SUGCT: variants seen among roughly 807,000 people sequenced by gnomAD.
The protein encoded by SUGCT is succinyl-CoA:glutarate-CoA transferase, also known as succinyl-CoA:glutarate CoA-transferase.
In SUGCT, 41 loss-of-function variants were observed where a neutral mutation model predicts 55.0. The observed-to-expected ratio is 0.74, with a 90% CI of 0.58 to 0.97. The LOEUF (loss-of-function observed/expected upper bound fraction) is 0.97. SUGCT is among the 50% of genes least tolerant of loss of function. The pLI is 0.00. For synonymous variants in SUGCT, 187 were observed against 200.4 expected, an observed-to-expected ratio of 0.93 and a Z score of 0.56; for missense variants, 568 against 547.8, an observed-to-expected ratio of 1.04 and a Z score of -0.37.
chr7:40,601,304 T>G lies in SUGCT; in HGVS notation c.1089+104918T>G, dbSNP rs922347086. On this transcript the variant is annotated intron_variant, in intron 12 of 13. Transcript: ENST00000335693. ...CTTTTGTCTTGTATTGACCTGAAGT[T>G]CCTAGCTCATTTGATTGGCAAAGGG... is the stretch of plus-strand genomic sequence containing the variant. 3.9e-5 allele frequency among the ~76,000 whole-genome samples: 6 copies of G among 152,342 alleles called. No homozygotes were observed. In the South Asian group the frequency reaches 1.2e-3, roughly 32 times the overall value.
At chr7:40,242,834 A>G (rs1789496354) in intron 7 of SUGCT, among the ~76,000 whole-genome samples, 1 of 145,728 alleles carries the variant, frequency 6.9e-6, no homozygotes, top group South Asian at 2.2e-4. Context: ...TACTTTATGC[A>G]TAGAACAGGC....
chr7:40,176,226 GA>G (rs60639549), intron 1 of SUGCT, among the ~76,000 whole-genome samples: 17,884 of 137,514 alleles, frequency 0.13, 3,194 homozygotes, highest in African/African-American at 0.41. Context: ...CATCTCAAAA[GA>G]AAAAAAAAAA....
chr7:40,936,535 A>G, the SUGCT span, among the ~76,000 whole-genome samples: 1 of 151,768 alleles, frequency 6.6e-6, no homozygotes, highest in African/African-American at 2.4e-5. Context: ...TGATATTTTC[A>G]AAGAATCAAC....
At chr7:40,666,260 G>C (rs1485779452) in intron 12 of SUGCT, among the ~76,000 whole-genome samples, 1 of 151,792 alleles carries the variant, frequency 6.6e-6, no homozygotes, top group African/African-American at 2.4e-5. Context: ...TGAGGCGGGA[G>C]TATCACTTTT....
intron 12 of SUGCT, among the ~76,000 whole-genome samples, chr7:40,649,118 T>A (rs540575510): frequency 6.6e-6 from 1 of 152,208 alleles, no homozygotes; most frequent in African/African-American, 2.4e-5. Context: ...ATTTTTGAGC[T>A]TTTTCTTTGC....
intron 7 of SUGCT, among the ~76,000 whole-genome samples, chr7:40,255,418 T>C (rs1294029995): frequency 6.6e-6 from 1 of 151,252 alleles, no homozygotes; most frequent in Non-Finnish European, 1.5e-5. Context: ...TCCTAGCACC[T>C]TGGGAGGCCG....
intron 9 of SUGCT, among the ~76,000 whole-genome samples, chr7:40,326,697 T>C (rs1796043388): frequency 6.6e-6 from 1 of 152,198 alleles, no homozygotes; most frequent in African/African-American, 2.4e-5. Flanking sequence ...ACTCAGTTGT[T>C]ACAGGGAGTA....
intron 12 of SUGCT, among the ~76,000 whole-genome samples, chr7:40,662,440 G>A (rs988088581): frequency 3.3e-5 from 5 of 152,120 alleles, no homozygotes; most frequent in Non-Finnish European, 7.3e-5. Context: ...ATTATCATAG[G>A]CTTCAAGGTC....
At chr7:40,721,607 C>T (rs1302357062) in intron 12 of SUGCT, among the ~76,000 whole-genome samples, 1 of 152,160 alleles carries the variant, frequency 6.6e-6, no homozygotes, top group Non-Finnish European at 1.5e-5. Flanking sequence ...TGGTTGGTGG[C>T]CATTATGAAA....
chr7:40,440,757 T>TG (rs1246266329), intron 9 of SUGCT, among the ~76,000 whole-genome samples: 5 of 151,962 alleles, frequency 3.3e-5, no homozygotes, highest in Admixed American at 3.3e-4. Flanking sequence ...TCTCATTGTT[T>TG]GGGGGGCTGA....
chr7:40,570,743 G>A (rs1177059145), intron 12 of SUGCT, among the ~76,000 whole-genome samples: 3 of 151,680 alleles, frequency 2.0e-5, no homozygotes, highest in Non-Finnish European at 4.4e-5. Context: ...CTTCTGTTGG[G>A]CTGGAGAATC....
chr7:40,731,796 T>C (rs987947916), intron 12 of SUGCT, among the ~76,000 whole-genome samples: 2 of 152,236 alleles, frequency 1.3e-5, no homozygotes, highest in African/African-American at 2.4e-5. Context: ...TATTTCTTTA[T>C]GAAAATAGCT....
chr7:40,930,558 G>T, the SUGCT span, among the ~76,000 whole-genome samples: 2 of 152,254 alleles, frequency 1.3e-5, no homozygotes, highest in South Asian at 4.2e-4. Flanking sequence ...CATGAGCATG[G>T]AGTGTTCTTC....
intron 7 of SUGCT, among the ~76,000 whole-genome samples, chr7:40,258,669 A>G (rs1790997752): frequency 6.6e-6 from 1 of 152,104 alleles, no homozygotes; most frequent in African/African-American, 2.4e-5. Context: ...GAGCCACCAC[A>G]CCCGGCCTGG....
chr7:40,595,111 A>AC (rs1797932746), intron 12 of SUGCT, among the ~76,000 whole-genome samples: 1 of 152,194 alleles, frequency 6.6e-6, no homozygotes, highest in South Asian at 2.1e-4. Flanking sequence ...TTTAAAAATT[A>AC]CCCTGTGCTA....
At chr7:40,925,756 A>T in the SUGCT span, among the ~76,000 whole-genome samples, 1 of 152,162 alleles carries the variant, frequency 6.6e-6, no homozygotes, top group South Asian at 2.1e-4. Flanking sequence ...ACCTCAGCAG[A>T]GTCACGAATC....
chr7:40,157,012 CAAA>C (rs3046489), intron 1 of SUGCT, among the ~76,000 whole-genome samples: 1 of 116,840 alleles, frequency 8.6e-6, no homozygotes. Context: ...AAGACTGTCT[CAAA>C]AAAAAAAAAA....
chr7:40,934,572 C>T, the SUGCT span, among the ~76,000 whole-genome samples: 2 of 152,216 alleles, frequency 1.3e-5, no homozygotes, highest in African/African-American at 2.4e-5. Context: ...GGCAGTAGGC[C>T]TTGCTGAACT....
intron 13 of SUGCT, among the ~76,000 whole-genome samples, chr7:40,768,563 A>T (rs936877108): frequency 6.6e-6 from 1 of 152,132 alleles, no homozygotes; most frequent in Non-Finnish European, 1.5e-5. Flanking sequence ...TTCTATGACC[A>T]TTTCTAGGTA....
Sources: allele counts gnomAD v4.1 joint callset (sites outside exome capture counted in the v4.1 genomes callset), GRCh38; gene constraint gnomAD v4.1.1; transcripts MANE v1.5; gene names NCBI Gene and HGNC (gene_info 2026-07-23, HGNC 2026-07-21).